Variants in DDHD1 observed in about 807,000 individuals in gnomAD.
DDHD1 encodes phospholipase DDHD1.
Under a neutral mutation model 96.4 loss-of-function variants are expected in DDHD1, and 49 were observed. The ratio of observed to expected loss-of-function variants is 0.51; its 90% CI spans 0.40 to 0.64. DDHD1 has a LOEUF of 0.64. Ranked by LOEUF, DDHD1 falls within the 30% of genes least tolerant of loss-of-function variation. The probability of loss-of-function intolerance (pLI) is 0.00; values close to 1 mark genes in which losing one functional copy is unlikely to be tolerated. For missense variants in DDHD1, 1,106 were observed against 1,161.2 expected, an observed-to-expected ratio of 0.95 and a Z score of 0.69; for synonymous variants, 442 against 446.5, an observed-to-expected ratio of 0.99 and a Z score of 0.13.
At chr14:53,102,929 GAAACCTCCC>G (rs1887415010) in intron 2 of DDHD1, 1 of 1,191,390 alleles carries the variant, frequency 8.4e-7, no homozygotes, top group African/African-American at 1.6e-5. Context: ...AGCTTGCCAA[GAAACCTCCC>G]AAATAAAGAC....
chr14:53,147,163 A>C (rs1404131892), intron 1 of DDHD1, among the ~76,000 whole-genome samples: 1 of 152,166 alleles, frequency 6.6e-6, no homozygotes, highest in Admixed American at 6.5e-5. Context: ...TAATTCTCAG[A>C]GGATTCCTTG....
chr14:53,104,853 A>C (rs985896840), intron 1 of DDHD1, among the ~76,000 whole-genome samples: 2 of 152,138 alleles, frequency 1.3e-5, no homozygotes, highest in African/African-American at 4.8e-5. Flanking sequence ...CTGGTGGTTT[A>C]ATCATATAAA....
Position 53,152,657 on chromosome 14 carries a change from G to C in DDHD1, c.442C>G (p.Leu148Val). The C allele has an allele frequency of 2.5e-6, 4 of 1,612,994 alleles. No individual in the cohort carries two copies. The highest frequency in any genetic ancestry group is 3.4e-6 in the Non-Finnish European group (4 of 1,179,828). The change falls in exon 1 of 13, where the codon CTT becomes GTT. Residue 148 changes from leucine to valine, a missense_variant. By Grantham distance (32) the Leu-to-Val change is conservative. Around this residue, in one of 2 missense-constraint regions of DDHD1, gnomAD observed 456 missense variants for 402.4 expected, o/e 1.13. Transcript: ENST00000673822. ...GSPGERKRTR[L>V]GGPAARHRYE... ...CGGTGCCGGGCCGCCGGGCCGCCAA[G>C]CCGGGTACGTTTCCTTTCCCCGGGG... is the stretch of plus-strand genomic sequence containing the variant.
intron 2 of DDHD1, among the ~76,000 whole-genome samples, chr14:53,094,087 G>A (rs2139683403): frequency 6.6e-6 from 1 of 152,136 alleles, no homozygotes; most frequent in South Asian, 2.1e-4. Flanking sequence ...TGAGGCAGGA[G>A]AATGGCGTGA....
chr14:53,120,912 C>A (rs1888932755), intron 1 of DDHD1, among the ~76,000 whole-genome samples: 1 of 152,080 alleles, frequency 6.6e-6, no homozygotes, highest in South Asian at 2.1e-4. Flanking sequence ...GAATAAAACA[C>A]CAAAAGCAAC....
At position 53,072,700 on chromosome 14, in the gene DDHD1, G is replaced by A. The variant is rs749434386; in HGVS notation, c.1400C>T (p.Thr467Ile). The part of the protein sequence containing the change: ...WRSKLTLDGD[T>I]VDSITPDKVR... ...TTTGTCAGGAGTAATGGAATCAACA[G>A]TGTCTACAAAAACAAACAAAAAAAG... is the stretch of plus-strand genomic sequence containing the variant. Residue 467 changes from threonine (T) to isoleucine (I), a missense_variant, in exon 6 of 13, where the codon ACT becomes ATT. Physicochemically the swap from Thr to Ile is moderately conservative, Grantham distance 89 (BLOSUM62 -1). Coordinates refer to ENST00000673822, the MANE Select transcript of DDHD1 (RefSeq NM_001160148.2). The A allele has an allele frequency of 7.5e-6, 12 of 1,601,500 alleles. No homozygotes were observed. In the Admixed American group the frequency reaches 1.7e-4, roughly 23 times the overall value.
In DDHD1 at chr14:53,038,433, T is replaced by C. The variant is rs1881415651; in HGVS notation, c.*8335A>G. 6.6e-6 allele frequency: 1 copy of C among 151,984 alleles called. No individual in the cohort carries two copies. Among genetic ancestry groups the C allele is most frequent in the Admixed American group, 6.6e-5 (1 of 15,254 alleles). The allele number at this position is 151,984 out of a possible 1,614,324, so 9.4% of individuals were successfully genotyped here. The stretch of plus-strand genomic sequence containing the variant: ...CCATTTACAATAGCCATAAAAAAAC[T>C]GAAATACTTAAAAATACACCTAACC... On this transcript the variant is annotated 3_prime_UTR_variant, in exon 13 of 13. Coordinates refer to ENST00000673822, the MANE Select transcript of DDHD1 (RefSeq NM_001160148.2).
chr14:53,073,630 A>G, intron 5 of DDHD1, 111 bp downstream of exon 5: 1 of 773,650 alleles, frequency 1.3e-6, no homozygotes, highest in Non-Finnish European at 2.1e-6. Flanking sequence ...AGACAATTAA[A>G]TTGAAGACAC....
At chr14:53,083,495 G>A (rs189388182) in intron 4 of DDHD1, among the ~76,000 whole-genome samples, 473 of 152,214 alleles carry the variant, frequency 3.1e-3, no homozygotes, top group African/African-American at 0.01. Context: ...CTATGTAAGC[G>A]GTAAACATAT....
At chr14:53,104,961 T>C (rs1887577868) in intron 1 of DDHD1, among the ~76,000 whole-genome samples, 1 of 151,994 alleles carries the variant, frequency 6.6e-6, no homozygotes, top group African/African-American at 2.4e-5. Flanking sequence ...CTTAAACCTT[T>C]TGCAATAACC....
intron 4 of DDHD1, among the ~76,000 whole-genome samples, chr14:53,079,731 T>A (rs1395810905): frequency 6.6e-6 from 1 of 152,214 alleles, no homozygotes; most frequent in African/African-American, 2.4e-5. Context: ...ATCTTCCCTA[T>A]TTTACAACTG....
intron 1 of DDHD1, among the ~76,000 whole-genome samples, chr14:53,131,641 AGCTGT>A (rs1480009546): frequency 1.3e-5 from 2 of 152,106 alleles, no homozygotes; most frequent in African/African-American, 4.8e-5. Context: ...AACTTACCTG[AGCTGT>A]ACTGCCGGAA....
rs1030205034 is a variant in DDHD1 at position 53,044,308 on chromosome 14, TTGAC to T, written c.*2456_*2459del. 6.6e-6 allele frequency: 1 copy of T among 152,148 alleles called. No individual in the cohort carries two copies. The highest frequency in any genetic ancestry group is 6.5e-5 in the Admixed American group (1 of 15,280). 9.4% of individuals were successfully genotyped at this position (152,148 alleles called of 1,614,324 possible). A position where few individuals can be genotyped will look rare whatever the true frequency, so the allele number is the denominator to read the frequency against. ...TCAAATAAACTCCAAATGGTTAAAT[TTGAC>T]TGTTTTCTCAACATGAAAAAAAGGA... On this transcript the variant is annotated 3_prime_UTR_variant, in exon 13 of 13. Coordinates refer to ENST00000673822, the MANE Select transcript of DDHD1 (RefSeq NM_001160148.2).
At chr14:53,091,962 T>C (rs1197241323) in intron 3 of DDHD1, 30 bp from the exon 4 acceptor site, 2 of 1,573,470 alleles carry the variant, frequency 1.3e-6, no homozygotes, top group East Asian at 4.5e-5. Context: ...CTAAGTTTAC[T>C]ATTTAATCTG....
At chr14:53,085,090 A>G (rs996362011) in intron 4 of DDHD1, among the ~76,000 whole-genome samples, 1 of 152,206 alleles carries the variant, frequency 6.6e-6, no homozygotes, top group Admixed American at 6.5e-5. Context: ...GCCATTGCTG[A>G]GGCTTGAGTA....
At chr14:53,130,529 C>A (rs898436384) in intron 1 of DDHD1, among the ~76,000 whole-genome samples, 4 of 152,154 alleles carry the variant, frequency 2.6e-5, no homozygotes, top group Non-Finnish European at 2.9e-5. Flanking sequence ...TCAAAGTGTA[C>A]AATAATAGAG....
intron 1 of DDHD1, among the ~76,000 whole-genome samples, chr14:53,132,324 C>T (rs1448872839): frequency 6.6e-6 from 1 of 152,174 alleles, no homozygotes; most frequent in Non-Finnish European, 1.5e-5. Flanking sequence ...TGATACCACA[C>T]ATGACCCCCA....
At chr14:53,060,605 C>A (rs2139859838) in intron 8 of DDHD1, among the ~76,000 whole-genome samples, 1 of 152,300 alleles carries the variant, frequency 6.6e-6, no homozygotes, top group Middle Eastern at 3.4e-3. Context: ...TCACCACTGA[C>A]CAACTAGGTG....
At chr14:53,088,590 T>C (rs1886178664) in intron 4 of DDHD1, among the ~76,000 whole-genome samples, 1 of 152,216 alleles carries the variant, frequency 6.6e-6, no homozygotes, top group Non-Finnish European at 1.5e-5. Flanking sequence ...TCTCAATAGA[T>C]GCAGAAAAGG....
Sources: allele counts gnomAD v4.1 joint callset (sites outside exome capture counted in the v4.1 genomes callset), GRCh38; gene constraint gnomAD v4.1.1; regional missense constraint gnomAD v4.1.1; transcripts MANE v1.5; gene names NCBI Gene and HGNC (gene_info 2026-07-23, HGNC 2026-07-21).